The following PIP4K2A variants were observed in gnomAD, a reference collection of about 807,000 sequenced individuals.
The protein encoded by PIP4K2A is phosphatidylinositol-5-phosphate 4-kinase type 2 alpha.
PIP4K2A carries 14 observed loss-of-function variants against 42.9 expected under a neutral mutation model. The observed-to-expected ratio is 0.33, with a 90% CI of 0.22 to 0.51. PIP4K2A has a LOEUF of 0.51. Among genes scored for constraint, PIP4K2A ranks in the 20% least tolerant of loss-of-function variants. The pLI is 0.97. For synonymous variants in PIP4K2A, 192 were observed against 192.2 expected, an observed-to-expected ratio of 1.00 and a Z score of 0.01; for missense variants, 434 against 519.8, an observed-to-expected ratio of 0.83 and a Z score of 1.61.
intron 1 of PIP4K2A, among the ~76,000 whole-genome samples, chr10:22,707,807 T>C (rs1833848834): frequency 6.6e-6 from 1 of 152,096 alleles, no homozygotes; most frequent in Non-Finnish European, 1.5e-5. Flanking sequence ...CTTGCAAGGG[T>C]TCTTGATGGG....
chr10:22,664,166 T>TATATATACACATATATATATATATAC (rs1554807299), intron 1 of PIP4K2A, among the ~76,000 whole-genome samples: 1 of 67,320 alleles, frequency 1.5e-5, no homozygotes, highest in Non-Finnish European at 2.5e-5. Flanking sequence ...TATATATATA[T>TATATATACACATATATATATATATAC]ACATATATAT....
intron 3 of PIP4K2A, among the ~76,000 whole-genome samples, chr10:22,604,478 T>C (rs558235140): frequency 9.9e-5 from 15 of 151,508 alleles, no homozygotes; most frequent in Non-Finnish European, 1.9e-4. Flanking sequence ...AACCACCACA[T>C]TGATTTAGAG....
At chr10:22,639,383 T>C (rs1232692082) in intron 1 of PIP4K2A, among the ~76,000 whole-genome samples, 2 of 151,172 alleles carry the variant, frequency 1.3e-5, no homozygotes, top group African/African-American at 4.9e-5. Flanking sequence ...AGAATTAACA[T>C]TTTGATTAAC....
At chr10:22,604,252 CTTT>C (rs1252202926) in intron 3 of PIP4K2A, among the ~76,000 whole-genome samples, 1 of 152,050 alleles carries the variant, frequency 6.6e-6, no homozygotes, top group Admixed American at 6.6e-5. Context: ...ATCTTAAAAA[CTTT>C]TTAAGAAGTT....
chr10:22,687,391 G>T (rs1451663680), intron 1 of PIP4K2A, among the ~76,000 whole-genome samples: 1 of 152,070 alleles, frequency 6.6e-6, no homozygotes, highest in Non-Finnish European at 1.5e-5. Flanking sequence ...TGAAGAGATG[G>T]AGGTCAAAAG....
intron 1 of PIP4K2A, among the ~76,000 whole-genome samples, chr10:22,664,460 CTT>C (rs1422260026): frequency 1.3e-5 from 2 of 149,776 alleles, no homozygotes; most frequent in Non-Finnish European, 3.0e-5. Flanking sequence ...TACAGAATTA[CTT>C]TTTCTTGGTG....
At chr10:22,685,636 C>T (rs1489566923) in intron 1 of PIP4K2A, among the ~76,000 whole-genome samples, 1 of 152,108 alleles carries the variant, frequency 6.6e-6, no homozygotes, top group Non-Finnish European at 1.5e-5. Flanking sequence ...CAGGAGGATC[C>T]CTTGAGCCCA....
chr10:22,666,851 A>T (rs1272609065), intron 1 of PIP4K2A, among the ~76,000 whole-genome samples: 1 of 152,246 alleles, frequency 6.6e-6, no homozygotes, highest in Non-Finnish European at 1.5e-5. Context: ...ACCGATAGGA[A>T]TAATATACCA....
intron 1 of PIP4K2A, among the ~76,000 whole-genome samples, chr10:22,611,742 T>G (rs953765141): frequency 6.6e-6 from 1 of 152,242 alleles, no homozygotes; most frequent in African/African-American, 2.4e-5. Context: ...ATCAGTGGAA[T>G]ATCAAAGTTT....
intron 1 of PIP4K2A, among the ~76,000 whole-genome samples, chr10:22,651,391 A>G (rs1477638589): frequency 6.6e-6 from 1 of 151,872 alleles, no homozygotes; most frequent in African/African-American, 2.4e-5. Context: ...ACCTGACCCC[A>G]CCTTGTCCCC....
intron 7 of PIP4K2A, 102 bp from the exon 8 acceptor site, chr10:22,542,149 G>A: frequency 9.3e-7 from 1 of 1,074,176 alleles, no homozygotes; most frequent in Non-Finnish European, 1.4e-6. Context: ...AGGCTGTGGG[G>A]TGGGGCAGCA....
intron 1 of PIP4K2A, among the ~76,000 whole-genome samples, chr10:22,705,092 C>T (rs1363683180): frequency 6.0e-5 from 9 of 150,488 alleles, no homozygotes; most frequent in East Asian, 3.9e-4. Flanking sequence ...GAGGGAAGGA[C>T]GGGGTGGGGG....
chr10:22,701,853 G>A (rs912224619), intron 1 of PIP4K2A, among the ~76,000 whole-genome samples: 48 of 152,274 alleles, frequency 3.2e-4, no homozygotes, highest in South Asian at 2.1e-4. Flanking sequence ...TGGCTCTAAG[G>A]GCTTTGATGG....
chr10:22,626,240 C>G (rs1456237132), intron 1 of PIP4K2A, among the ~76,000 whole-genome samples: 1 of 151,478 alleles, frequency 6.6e-6, no homozygotes, highest in Non-Finnish European at 1.5e-5. Flanking sequence ...ACCCAAATTT[C>G]TAAAATATAT....
At chr10:22,546,794 G>A (rs1836267317) in intron 7 of PIP4K2A, among the ~76,000 whole-genome samples, 1 of 152,160 alleles carries the variant, frequency 6.6e-6, no homozygotes, top group African/African-American at 2.4e-5. Flanking sequence ...CTGGAAGCTC[G>A]CAGATGGAAA....
intron 1 of PIP4K2A, among the ~76,000 whole-genome samples, chr10:22,696,779 T>C (rs539961328): frequency 7.9e-5 from 12 of 152,308 alleles, no homozygotes; most frequent in African/African-American, 2.9e-4. Flanking sequence ...AATAATTCTC[T>C]ATTAGGTAAT....
At chr10:22,627,591 TAAAAAAAAAAAAAAAAAA>T (rs57671642) in intron 1 of PIP4K2A, among the ~76,000 whole-genome samples, 45 of 57,034 alleles carry the variant, frequency 7.9e-4, no homozygotes, top group East Asian at 7.7e-3. Context: ...TAATATGTAA[TAAAAAAAAAAAAAAAAAA>T]AAAAAAAAAA....
intron 1 of PIP4K2A, chr10:22,691,932 C>G (rs1362342055): frequency 1.3e-5 from 2 of 152,318 alleles, no homozygotes; most frequent in Non-Finnish European, 2.9e-5. Context: ...GACTAGCAGT[C>G]CCCAACCTTT....
intron 7 of PIP4K2A, among the ~76,000 whole-genome samples, chr10:22,544,731 G>A (rs1255332529): frequency 1.3e-5 from 2 of 152,194 alleles, no homozygotes; most frequent in African/African-American, 2.4e-5. Flanking sequence ...ATAGTGCCGC[G>A]TTTCTCACAG....
Sources: allele counts gnomAD v4.1 joint callset (sites outside exome capture counted in the v4.1 genomes callset), GRCh38; gene constraint gnomAD v4.1.1; transcripts MANE v1.5; gene names NCBI Gene and HGNC (gene_info 2026-07-23, HGNC 2026-07-21).